VWC2L: variants seen among roughly 807,000 people sequenced by gnomAD.
VWC2L encodes von Willebrand factor C domain-containing protein 2-like.
VWC2L carries 10 observed loss-of-function variants against 21.6 expected under a neutral mutation model. The ratio of observed to expected loss-of-function variants is 0.46; its 90% CI spans 0.29 to 0.78. VWC2L has a LOEUF of 0.78. Among genes scored for constraint, VWC2L ranks in the 30% least tolerant of loss-of-function variants. VWC2L has a pLI of 0.10. For synonymous variants in VWC2L, 96 were observed against 94.3 expected (o/e 1.02, Z -0.10); for missense variants, 209 against 277.1 (o/e 0.75, Z 1.74).
At chr2:214,424,937 T>G (rs1406103259) in intron 2 of VWC2L, among the ~76,000 whole-genome samples, 1 of 152,220 alleles carries the variant, frequency 6.6e-6, no homozygotes, top group Non-Finnish European at 1.5e-5. Context: ...AAAATAGTGG[T>G]AATATCAACT....
chr2:214,422,816 GCTC>G (rs1223324677), intron 2 of VWC2L, among the ~76,000 whole-genome samples: 1 of 152,096 alleles, frequency 6.6e-6, no homozygotes, highest in Admixed American at 6.5e-5. Flanking sequence ...AGATCATTCA[GCTC>G]CTGAAAAAGT....
chr2:214,495,378 CTGTCTCATCTT>C (rs1184452771), intron 3 of VWC2L, among the ~76,000 whole-genome samples: 2 of 152,174 alleles, frequency 1.3e-5, no homozygotes, highest in Non-Finnish European at 2.9e-5. Context: ...AGGGATTATG[CTGTCTCATCTT>C]TGTTTCATCT....
At chr2:214,559,455 C>T (rs150237335) in intron 3 of VWC2L, among the ~76,000 whole-genome samples, 1 of 152,234 alleles carries the variant, frequency 6.6e-6, no homozygotes, top group African/African-American at 2.4e-5. Context: ...CAGATAGAAG[C>T]TGTTCCTGTG....
intron 1 of VWC2L, among the ~76,000 whole-genome samples, chr2:214,413,327 T>A (rs528310916): frequency 1.5e-4 from 23 of 152,210 alleles, no homozygotes; most frequent in Non-Finnish European, 2.8e-4. Flanking sequence ...TATAGATAGA[T>A]CTTTCCTGCC....
intron 3 of VWC2L, among the ~76,000 whole-genome samples, chr2:214,484,082 T>C (rs543600461): frequency 5.9e-5 from 9 of 152,312 alleles, no homozygotes; most frequent in African/African-American, 2.2e-4. Flanking sequence ...CTCCAATCTC[T>C]GCCTGCATCT....
intron 3 of VWC2L, among the ~76,000 whole-genome samples, chr2:214,441,569 G>T (rs1034636057): frequency 6.6e-6 from 1 of 152,034 alleles, no homozygotes; most frequent in Middle Eastern, 3.4e-3. Flanking sequence ...CTTTTTAAAA[G>T]ACACTTTCTT....
At chr2:214,509,238 C>T (rs1034408398) in intron 3 of VWC2L, among the ~76,000 whole-genome samples, 1 of 152,124 alleles carries the variant, frequency 6.6e-6, no homozygotes, top group Non-Finnish European at 1.5e-5. Context: ...GTATGTATTA[C>T]CTTTGACTGT....
At chr2:214,537,900 CCT>C (rs1689561041) in intron 3 of VWC2L, among the ~76,000 whole-genome samples, 1 of 54,704 alleles carries the variant, frequency 1.8e-5, no homozygotes, top group South Asian at 1.5e-3. Flanking sequence ...AGGATAGTGG[CCT>C]TTTTTTTTTT....
At chr2:214,480,209 C>T (rs529041279) in intron 3 of VWC2L, among the ~76,000 whole-genome samples, 2 of 152,106 alleles carry the variant, frequency 1.3e-5, no homozygotes, top group South Asian at 4.2e-4. Context: ...TACTAAAGGG[C>T]AAATGAATTT....
At chr2:214,509,536 G>A (rs543485938) in intron 3 of VWC2L, among the ~76,000 whole-genome samples, 4 of 152,214 alleles carry the variant, frequency 2.6e-5, no homozygotes, top group African/African-American at 4.8e-5. Context: ...CCCGGATATC[G>A]TAGATTTGGA....
At chr2:214,567,613 G>GAT (rs1477174983) in intron 3 of VWC2L, among the ~76,000 whole-genome samples, 1 of 134,496 alleles carries the variant, frequency 7.4e-6, no homozygotes, top group African/African-American at 2.7e-5. Context: ...GAGAGAGAGA[G>GAT]AGATAATTAA....
chr2:214,548,926 A>G (rs1689750988), intron 3 of VWC2L, among the ~76,000 whole-genome samples: 2 of 152,202 alleles, frequency 1.3e-5, no homozygotes, highest in Admixed American at 6.5e-5. Context: ...CACAAACTTA[A>G]TCACTTAAAA....
intron 3 of VWC2L, among the ~76,000 whole-genome samples, chr2:214,509,903 A>C (rs950166919): frequency 1.3e-5 from 2 of 152,232 alleles, no homozygotes; most frequent in Non-Finnish European, 2.9e-5. Flanking sequence ...TGAAGGAAAC[A>C]AACAAGTTTG....
intron 2 of VWC2L, among the ~76,000 whole-genome samples, chr2:214,416,928 C>G (rs1702365935): frequency 6.6e-6 from 1 of 152,106 alleles, no homozygotes; most frequent in African/African-American, 2.4e-5. Context: ...GGGATTTACT[C>G]TAAATTCTAA....
chr2:214,568,908 C>A (rs1690108133), intron 3 of VWC2L, among the ~76,000 whole-genome samples: 1 of 152,274 alleles, frequency 6.6e-6, no homozygotes. Context: ...TCCTAAGGGA[C>A]CCCAACTGTG....
chr2:214,529,288 C>T (rs1268564654), intron 3 of VWC2L, among the ~76,000 whole-genome samples: 3 of 152,082 alleles, frequency 2.0e-5, no homozygotes, highest in Admixed American at 6.6e-5. Flanking sequence ...AGTTTATTAA[C>T]GTGACCAAAA....
intron 3 of VWC2L, among the ~76,000 whole-genome samples, chr2:214,568,334 C>T (rs541369917): frequency 6.6e-6 from 1 of 152,180 alleles, no homozygotes; most frequent in South Asian, 2.1e-4. Context: ...ATGTCAACTC[C>T]CTGAAGGCAA....
intron 3 of VWC2L, among the ~76,000 whole-genome samples, chr2:214,442,555 C>T (rs1174141472): frequency 1.3e-5 from 2 of 152,020 alleles, no homozygotes; most frequent in Admixed American, 6.6e-5. Context: ...GTGATCAGAA[C>T]AGGAAGTAAG....
chr2:214,417,333 T>C (rs1257441609), intron 2 of VWC2L, among the ~76,000 whole-genome samples: 1 of 150,044 alleles, frequency 6.7e-6, no homozygotes, highest in Admixed American at 6.7e-5. Flanking sequence ...ACATGATCGA[T>C]GTGAAGAGAG....
Sources: allele counts gnomAD v4.1 joint callset (sites outside exome capture counted in the v4.1 genomes callset), GRCh38; gene constraint gnomAD v4.1.1; transcripts MANE v1.5; gene names NCBI Gene and HGNC (gene_info 2026-07-23, HGNC 2026-07-21).